The following DNAH7 variants were observed in gnomAD, a reference collection of about 807,000 sequenced individuals.
The protein encoded by DNAH7 is dynein axonemal heavy chain 7.
DNAH7 carries 397 observed loss-of-function variants against 444.6 expected under a neutral mutation model. That is an observed-to-expected ratio of 0.89 (90% CI 0.82 to 0.97). DNAH7 has a LOEUF of 0.97. Among genes scored for constraint, DNAH7 ranks in the 50% least tolerant of loss-of-function variants. The pLI, the probability that DNAH7 is intolerant of heterozygous loss-of-function variation, is 0.00. For missense variants in DNAH7, 4,902 were observed against 4,800.8 expected (o/e 1.02, Z -0.62); for synonymous variants, 1,636 against 1,624.4 (o/e 1.01, Z -0.17).
chr2:195,747,894 A>T, intron 63 of DNAH7, among the ~76,000 whole-genome samples: 1 of 152,220 alleles, frequency 6.6e-6, no homozygotes, highest in Non-Finnish European at 1.5e-5. Context: ...GAATGGGCAA[A>T]AACTGGAAGA....
intron 53 of DNAH7, among the ~76,000 whole-genome samples, chr2:195,807,320 C>A (rs1696760825): frequency 6.6e-6 from 1 of 152,010 alleles, no homozygotes; most frequent in African/African-American, 2.4e-5. Context: ...CCATACCCAG[C>A]TAACTTTTTG....
intron 40 of DNAH7, among the ~76,000 whole-genome samples, chr2:195,868,982 A>C (rs2125113664): frequency 6.6e-6 from 1 of 151,970 alleles, no homozygotes; most frequent in Middle Eastern, 3.4e-3. Context: ...AATAAAGCAC[A>C]AATTAGTGTT....
chr2:195,738,170 G>T (rs750737304), intron 64 of DNAH7, 43 bp from the exon 65 acceptor site: 40 of 1,549,590 alleles, frequency 2.6e-5, no homozygotes, highest in Non-Finnish European at 3.6e-5. Flanking sequence ...AAGGCTGTTT[G>T]TTAAATGTAC....
At chr2:195,935,959 G>A (rs1689021085) in intron 20 of DNAH7, among the ~76,000 whole-genome samples, 1 of 151,960 alleles carries the variant, frequency 6.6e-6, no homozygotes, top group Non-Finnish European at 1.5e-5. Context: ...AGATGAATAG[G>A]AAGGATAACA....
intron 5 of DNAH7, among the ~76,000 whole-genome samples, chr2:196,032,029 GC>G (rs2125798447): frequency 6.6e-6 from 1 of 152,280 alleles, no homozygotes; most frequent in Non-Finnish European, 1.5e-5. Flanking sequence ...CCGAAACTGG[GC>G]AATTTACAAA....
chr2:196,001,136 A>C (rs776231264), intron 11 of DNAH7, among the ~76,000 whole-genome samples: 18 of 152,144 alleles, frequency 1.2e-4, no homozygotes, highest in Non-Finnish European at 2.6e-4. Context: ...ATAGCAGTGG[A>C]GTTCTAGAAT....
At chr2:195,894,144 C>T (rs1702170308) in intron 30 of DNAH7, 1 of 152,028 alleles carries the variant, frequency 6.6e-6, no homozygotes, top group South Asian at 2.1e-4. Context: ...TTAAACTTAT[C>T]TTTGAAAAGA....
chr2:195,745,852 A>T (rs903474481), intron 63 of DNAH7, among the ~76,000 whole-genome samples: 2 of 152,262 alleles, frequency 1.3e-5, no homozygotes, highest in Non-Finnish European at 2.9e-5. Flanking sequence ...TGAAGGAAGC[A>T]CTAAACATGG....
chr2:195,753,732 A>T (rs1693926942), intron 63 of DNAH7, among the ~76,000 whole-genome samples: 1 of 152,222 alleles, frequency 6.6e-6, no homozygotes, highest in Non-Finnish European at 1.5e-5. Flanking sequence ...TTTGAAATAA[A>T]ATATCAGGGT....
In DNAH7 at chr2:195,986,103, G is replaced by A. The variant is rs757575824; in HGVS notation, c.1754+963C>T. Among the ~76,000 whole-genome samples, 125 of 152,120 alleles carry A rather than the reference G, an allele frequency of 8.2e-4. 1 individual carries two copies. The highest frequency in any genetic ancestry group is 1.6e-3 in the Non-Finnish European group (110 of 68,026). ...CCTTCAAAATAAAATTCACATGTCAGTTCCTCTTTGCAGCCTTCCCTGATT... is the reference window on the plus strand; with the variant it reads ...CCTTCAAAATAAAATTCACATGTCAATTCCTCTTTGCAGCCTTCCCTGATT... On this transcript the variant is annotated intron_variant, in intron 14 of 64. Coordinates refer to ENST00000312428, the MANE Select transcript of DNAH7 (RefSeq NM_018897.3).
chr2:196,044,407 T>A (rs1423954021), intron 5 of DNAH7, among the ~76,000 whole-genome samples: 2 of 149,466 alleles, frequency 1.3e-5, no homozygotes, highest in Non-Finnish European at 3.0e-5. Flanking sequence ...CACAAAGGCA[T>A]AAGAATGATA....
rs762094488 is a variant in DNAH7, at chr2:196,028,011, A to G, written c.435T>C (p.Asp145=). The part of the protein sequence containing the change: ...QDADLDSAVP[D]GSTIPKPTAS... ...CGGTCGGTTTTGGAATTGTGCTTCC[A>G]TCAGGGACAGCTGAGTCTAAGTCAG... Residue 145 remains aspartate, a synonymous_variant, in exon 6 of 65, where the codon GAT becomes GAC. Coordinates refer to ENST00000312428, the MANE Select transcript of DNAH7 (RefSeq NM_018897.3). 1.8e-5 allele frequency: 29 copies of G among 1,611,664 alleles called. No homozygotes were observed. The highest frequency in any genetic ancestry group is 2.4e-5 in the Non-Finnish European group (28 of 1,178,670).
At chr2:195,872,609 T>A (rs1700784839) in intron 39 of DNAH7, 140 bp from the exon 40 acceptor site, 2 of 473,396 alleles carry the variant, frequency 4.2e-6, no homozygotes, top group East Asian at 3.7e-5. Flanking sequence ...CATATCTTAT[T>A]ATAATAATAA....
chr2:195,930,608 G>A lies in DNAH7; in HGVS notation c.3471+3983C>T, dbSNP rs561561782. Among the ~76,000 whole-genome samples, 169 of 152,286 alleles carry A rather than the reference G, an allele frequency of 1.1e-3. 2 individuals carry two copies. Among genetic ancestry groups the A allele is most frequent in the African/African-American group, 3.9e-3 (161 of 41,568 alleles). On this transcript the variant is annotated intron_variant, in intron 21 of 64. Coordinates refer to ENST00000312428, the MANE Select transcript of DNAH7 (RefSeq NM_018897.3). ...TAAGTTAGTTCAGCTGCTGTGGAAAGCAGTTTGGAGATCTCTCAAAGAACT... is the reference window on the plus strand; with the variant it reads ...TAAGTTAGTTCAGCTGCTGTGGAAAACAGTTTGGAGATCTCTCAAAGAACT...
intron 15 of DNAH7, among the ~76,000 whole-genome samples, chr2:195,982,567 T>C (rs759752534): frequency 1.3e-5 from 2 of 152,146 alleles, no homozygotes; most frequent in Non-Finnish European, 2.9e-5. Flanking sequence ...TACCCAAGAT[T>C]GGGAAGCAAT....
rs565581452 is a variant in DNAH7 at position 195,787,627 on chromosome 2, A to C, written c.10717-456T>G. ...AACTTTAAAGAGGATTTGTGAAGAG[A>C]TTTCCTGGGAGGGAACAGCTGTTAT... On this transcript the variant is annotated intron_variant, in intron 57 of 64. Coordinates refer to ENST00000312428, the MANE Select transcript of DNAH7 (RefSeq NM_018897.3). Among the ~76,000 whole-genome samples, 307 of 152,282 alleles carry C rather than the reference A, an allele frequency of 2.0e-3. 7 individuals carry two copies. The highest frequency in any genetic ancestry group is 7.1e-3 in the African/African-American group (294 of 41,568).
rs1661974122 is a variant in DNAH7 at position 195,864,965 on chromosome 2, G to A, written c.6690C>T (p.Ile2230=). ...LLDNTDRSWL[I]NYIQEILRNY... is the part of the protein sequence containing the mutation. ...TTCTCAAAATTTCTTGAATGTAGTTGATGAGCCAGCTTCTGTCTGTATTGT... is the reference window on the plus strand; with the variant it reads ...TTCTCAAAATTTCTTGAATGTAGTTAATGAGCCAGCTTCTGTCTGTATTGT... The change falls in exon 41 of 65, where the codon ATC becomes ATT. Residue 2230 remains isoleucine (I), a synonymous_variant. Transcript: ENST00000312428. 3.7e-6 allele frequency: 6 copies of A among 1,607,066 alleles called. No homozygotes were observed. The highest frequency in any genetic ancestry group is 2.7e-5 in the African/African-American group (2 of 74,910).
chr2:195,926,536 T>C lies in DNAH7; in HGVS notation c.3502A>G (p.Lys1168Glu). The C allele has an allele frequency of 6.2e-7, 1 of 1,601,890 alleles. No homozygotes were observed. Among genetic ancestry groups the C allele is most frequent in the Non-Finnish European group, 8.5e-7 (1 of 1,175,410 alleles). The change falls in exon 22 of 65, where the codon AAA becomes GAA. Residue 1168 changes from lysine (K) to glutamate (E), a missense_variant. Physicochemically the swap from Lys to Glu is moderately conservative, Grantham distance 56. Coordinates refer to ENST00000312428, the MANE Select transcript of DNAH7 (RefSeq NM_018897.3). ...CTTACCCAGTTAATTCGTTCATATT[T>C]TGTATAGGCAAAAGTTGCATCTCCA... ...VTGDATFAYT[K>E]YERINWVRDW...
chr2:195,794,633 G>T, intron 56 of DNAH7, 95 bp from the exon 57 acceptor site: 1 of 1,176,644 alleles, frequency 8.5e-7, no homozygotes, highest in Middle Eastern at 2.0e-4. Context: ...GGGGGAGGAA[G>T]TATTTTTACA....
Sources: allele counts gnomAD v4.1 joint callset (sites outside exome capture counted in the v4.1 genomes callset), GRCh38; gene constraint gnomAD v4.1.1; transcripts MANE v1.5; gene names NCBI Gene and HGNC (gene_info 2026-07-23, HGNC 2026-07-21).